The following MYT1L variants were observed in gnomAD, a reference collection of about 807,000 sequenced individuals.
MYT1L encodes the protein myelin transcription factor 1 like.
In MYT1L, 12 loss-of-function variants were observed where a neutral mutation model predicts 126.7. That is an observed-to-expected ratio of 0.09 (90% CI 0.06 to 0.15). MYT1L has a LOEUF of 0.15. Ranked by LOEUF, MYT1L falls within the 10% of genes least tolerant of loss-of-function variation. MYT1L has a pLI of 1.00. For synonymous variants in MYT1L, 541 were observed against 604.2 expected, an observed-to-expected ratio of 0.90 and a Z score of 1.53; for missense variants, 979 against 1,585.2, an observed-to-expected ratio of 0.62 and a Z score of 6.49.
At chr2:2,265,883 G>C (rs1309385208) in intron 2 of MYT1L, among the ~76,000 whole-genome samples, 1 of 152,148 alleles carries the variant, frequency 6.6e-6, no homozygotes, top group East Asian at 1.9e-4. Flanking sequence ...CATGGATGGA[G>C]GGAGGAAAAC....
chr2:2,111,370 C>T (rs1417642225), intron 3 of MYT1L, among the ~76,000 whole-genome samples: 1 of 152,220 alleles, frequency 6.6e-6, no homozygotes, highest in Admixed American at 6.5e-5. Context: ...GGCACTCACA[C>T]AACGTGCTGC....
At chr2:2,040,606 A>G (rs1460345039) in intron 4 of MYT1L, among the ~76,000 whole-genome samples, 2 of 152,198 alleles carry the variant, frequency 1.3e-5, no homozygotes, top group Non-Finnish European at 2.9e-5. Flanking sequence ...TAAGTTCTGG[A>G]TGGAAATTGA....
At chr2:1,885,847 C>A (rs941208198) in intron 18 of MYT1L, among the ~76,000 whole-genome samples, 2 of 152,200 alleles carry the variant, frequency 1.3e-5, no homozygotes, top group East Asian at 1.9e-4. Context: ...GTGACTTCTA[C>A]CCACTTCTTC....
chr2:2,312,528 A>G (rs1042431758), intron 1 of MYT1L, among the ~76,000 whole-genome samples: 3 of 152,064 alleles, frequency 2.0e-5, no homozygotes, highest in Non-Finnish European at 4.4e-5. Flanking sequence ...TGGGAGGATT[A>G]CTTGAACGTG....
chr2:1,931,181 G>T (rs1283076276), intron 9 of MYT1L, among the ~76,000 whole-genome samples: 1 of 152,214 alleles, frequency 6.6e-6, no homozygotes, highest in Non-Finnish European at 1.5e-5. Flanking sequence ...TCCCCTCCCA[G>T]GTTGGGCCTT....
intron 1 of MYT1L, among the ~76,000 whole-genome samples, chr2:2,300,562 A>G (rs2095767032): frequency 6.6e-6 from 1 of 152,210 alleles, no homozygotes; most frequent in Non-Finnish European, 1.5e-5. Context: ...AGCTTGAACA[A>G]TACTCCATAA....
At chr2:1,904,512 G>A (rs2050774122) in intron 13 of MYT1L, among the ~76,000 whole-genome samples, 1 of 151,408 alleles carries the variant, frequency 6.6e-6, no homozygotes, top group East Asian at 1.9e-4. Context: ...GGGACTACAG[G>A]CGTGCACCAC....
chr2:1,918,180 T>C (rs1308900618), intron 10 of MYT1L, among the ~76,000 whole-genome samples: 1 of 152,164 alleles, frequency 6.6e-6, no homozygotes, highest in Non-Finnish European at 1.5e-5. Flanking sequence ...AAAAATTCAA[T>C]ACTAGAGGCC....
chr2:2,216,043 G>C (rs896472466), intron 2 of MYT1L, among the ~76,000 whole-genome samples: 10 of 123,468 alleles, frequency 8.1e-5, no homozygotes, highest in East Asian at 4.4e-4. Context: ...CTGTCTGTCT[G>C]TCTCTCTCTC....
chr2:1,947,216 C>A (rs1213051623), intron 8 of MYT1L, among the ~76,000 whole-genome samples: 2 of 152,174 alleles, frequency 1.3e-5, no homozygotes, highest in African/African-American at 2.4e-5. Context: ...TAAGGTGGGG[C>A]TCCTGTTTCA....
chr2:1,817,070 G>A (rs2037773753), intron 21 of MYT1L: 1 of 152,254 alleles, frequency 6.6e-6, no homozygotes, highest in Non-Finnish European at 1.5e-5. Context: ...GTGGGCACTG[G>A]GGTACTTGTC....
At chr2:2,201,221 G>A (rs2093057101) in intron 2 of MYT1L, among the ~76,000 whole-genome samples, 1 of 151,276 alleles carries the variant, frequency 6.6e-6, no homozygotes, top group Non-Finnish European at 1.5e-5. Flanking sequence ...TGACAATGGT[G>A]TCCAAAGTCA....
chr2:2,100,335 C>CT (rs1256081812), intron 3 of MYT1L, among the ~76,000 whole-genome samples: 1 of 152,082 alleles, frequency 6.6e-6, no homozygotes, highest in Non-Finnish European at 1.5e-5. Context: ...ATCCTATTGT[C>CT]TTTTTTGTTT....
chr2:2,226,636 G>A (rs148384275), intron 2 of MYT1L, among the ~76,000 whole-genome samples: 1 of 152,248 alleles, frequency 6.6e-6, no homozygotes, highest in African/African-American at 2.4e-5. Flanking sequence ...CTCCAAGGTT[G>A]GGCTTCCAAA....
rs1003408465 is a variant in MYT1L at position 1,811,750 on chromosome 2, G to A, written c.3081-2583C>T. 4.6e-5 allele frequency among the ~76,000 whole-genome samples: 7 copies of A among 152,126 alleles called. No homozygotes were observed. The highest frequency in any genetic ancestry group is 2.1e-4 in the South Asian group (1 of 4,806). ...AGTGTGGGGCGTGAACGAACCCCTC[G>A]CGTTCCGGAGGGAACAGGCTCCTCT... On this transcript the variant is annotated intron_variant, in intron 21 of 24. Transcript: ENST00000647738. This position sits in a 1 kb window ranked among gnomAD's most constrained non-coding sequence, Gnocchi z 4.4.
At chr2:1,923,684 T>C (rs2053858339) in intron 9 of MYT1L, among the ~76,000 whole-genome samples, 3 of 152,196 alleles carry the variant, frequency 2.0e-5, no homozygotes. Flanking sequence ...ACTTTACTTG[T>C]TGCCAACTCT....
At chr2:1,863,769 G>A (rs376445103) in intron 18 of MYT1L, among the ~76,000 whole-genome samples, 7 of 149,976 alleles carry the variant, frequency 4.7e-5, no homozygotes, top group African/African-American at 1.7e-4. Flanking sequence ...ATATTTGGGG[G>A]GATAGTTAGC....
chr2:2,280,671 G>A (rs2095434623), intron 2 of MYT1L, among the ~76,000 whole-genome samples: 1 of 152,198 alleles, frequency 6.6e-6, no homozygotes, highest in Non-Finnish European at 1.5e-5. Context: ...CTGCAGTGCA[G>A]CAGTCTGTGC....
chr2:1,932,001 C>A (rs2055066603), intron 9 of MYT1L, among the ~76,000 whole-genome samples: 1 of 152,178 alleles, frequency 6.6e-6, no homozygotes, highest in Non-Finnish European at 1.5e-5. Flanking sequence ...AAAGTCATCT[C>A]GGTTCCTGTC....
Sources: gnomAD v4.1 joint callset for allele counts (sites outside exome capture counted in the v4.1 genomes callset) on GRCh38, gnomAD v4.1.1 for gene constraint, Gnocchi (gnomAD v3.1) non-coding constraint, MANE v1.5 for transcripts, NCBI Gene and HGNC (gene_info 2026-07-23, HGNC 2026-07-21) for gene names.